SYNPO2: variants seen among roughly 807,000 people sequenced by gnomAD.
SYNPO2 encodes the protein synaptopodin-2.
SYNPO2 carries 56 observed loss-of-function variants against 85.0 expected under a neutral mutation model. That is an observed-to-expected ratio of 0.66 (90% CI 0.53 to 0.82). The LOEUF (loss-of-function observed/expected upper bound fraction) is 0.82, where lower values mean the gene tolerates loss of function less well. Among genes scored for constraint, SYNPO2 ranks in the 40% least tolerant of loss-of-function variants. The probability of loss-of-function intolerance (pLI) is 0.00; values close to 1 mark genes in which losing one functional copy is unlikely to be tolerated. For synonymous variants in SYNPO2, 602 were observed against 591.1 expected (o/e 1.02, Z -0.27); for missense variants, 1,575 against 1,534.2 (o/e 1.03, Z -0.44).
chr4:118,984,098 T>C (rs1328732170), intron 1 of SYNPO2, among the ~76,000 whole-genome samples: 1 of 152,206 alleles, frequency 6.6e-6, no homozygotes, highest in African/African-American at 2.4e-5. Flanking sequence ...TCTGAAAAGA[T>C]CACCAAACTG....
chr4:118,877,084 G>A (rs956116950), intron 1 of SYNPO2, among the ~76,000 whole-genome samples: 25 of 152,018 alleles, frequency 1.6e-4, no homozygotes, highest in Admixed American at 1.6e-3. Flanking sequence ...GGGATTGCAG[G>A]GAGCCACTGC....
chr4:118,888,825 C>A, upstream of SYNPO2: 1 of 588,196 alleles, frequency 1.7e-6, no homozygotes, highest in South Asian at 2.0e-5. Flanking sequence ...GCGAGCGCCT[C>A]TGCCTCCTTG....
intron 1 of SYNPO2, among the ~76,000 whole-genome samples, chr4:118,990,434 A>G (rs1266481474): frequency 6.6e-6 from 1 of 152,224 alleles, no homozygotes; most frequent in Non-Finnish European, 1.5e-5. Flanking sequence ...GCAGATGTTT[A>G]CAGAGCACTA....
chr4:118,908,818 A>G (rs192970263), intron 1 of SYNPO2, among the ~76,000 whole-genome samples: 1 of 152,300 alleles, frequency 6.6e-6, no homozygotes, highest in Admixed American at 6.5e-5. Flanking sequence ...TCTTGTAATT[A>G]ATTTTTTGTT....
At chr4:118,964,298 A>C (rs201065724) in intron 1 of SYNPO2, among the ~76,000 whole-genome samples, 8 of 4,306 alleles carry the variant, frequency 1.9e-3, no homozygotes, top group East Asian at 4.9e-3. Flanking sequence ...AACACACACA[A>C]CACACACACA....
chr4:119,046,593 T>C (rs1245195791), intron 4 of SYNPO2, among the ~76,000 whole-genome samples: 1 of 152,194 alleles, frequency 6.6e-6, no homozygotes, highest in African/African-American at 2.4e-5. Context: ...GGCCACACAG[T>C]CTCTTCCCAC....
intron 1 of SYNPO2, among the ~76,000 whole-genome samples, chr4:118,980,763 C>T (rs1233556066): frequency 6.6e-6 from 1 of 152,084 alleles, no homozygotes; most frequent in Non-Finnish European, 1.5e-5. Flanking sequence ...TAAAAGTGAA[C>T]CTGGTTTAGT....
At chr4:119,022,724 A>AATTGTATTTTATTTTATTTTAT (rs368633918) in intron 1 of SYNPO2, among the ~76,000 whole-genome samples, 46 of 142,306 alleles carry the variant, frequency 3.2e-4, no homozygotes, top group Admixed American at 1.5e-3. Flanking sequence ...ATTTTATTTT[A>AATTGTATTTTATTTTATTTTAT]ATTTTATTTT....
intron 4 of SYNPO2, among the ~76,000 whole-genome samples, chr4:119,054,514 G>A (rs1739149751): frequency 6.6e-6 from 1 of 152,102 alleles, no homozygotes; most frequent in African/African-American, 2.4e-5. Flanking sequence ...CGAAGAGGAT[G>A]GGCAGGTTGT....
intron 1 of SYNPO2, among the ~76,000 whole-genome samples, chr4:118,870,685 C>T (rs1731784579): frequency 1.3e-5 from 2 of 152,184 alleles, no homozygotes; most frequent in Non-Finnish European, 2.9e-5. Flanking sequence ...TTCTCCACAG[C>T]CTTACCAGCA....
intron 1 of SYNPO2, among the ~76,000 whole-genome samples, chr4:118,975,819 G>A (rs147959019): frequency 1.3e-5 from 2 of 152,242 alleles, no homozygotes; most frequent in Non-Finnish European, 2.9e-5. Flanking sequence ...GCCTGAGAGG[G>A]AATCTACCAT....
At chr4:118,879,653 CTG>C (rs1372185331) in intron 1 of SYNPO2, among the ~76,000 whole-genome samples, 3 of 152,202 alleles carry the variant, frequency 2.0e-5, no homozygotes, top group Non-Finnish European at 4.4e-5. Context: ...GCGTATGATA[CTG>C]TGTTATGGCA....
Position 119,031,228 on chromosome 4 carries a change from C to A in SYNPO2, c.2453C>A (p.Pro818His), listed in dbSNP as rs1183317487. The change falls in exon 4 of 5, where the codon CCT (proline) becomes CAT (histidine). Residue 818 changes from proline to histidine, a missense_variant. Coordinates refer to ENST00000307142, the MANE Select transcript of SYNPO2 (RefSeq NM_133477.3). ...CAGCCTTCTTACCCTCCTGCCCGGC[C>A]TGCAAGTACTTTGAACGTGGCTGGT... ...IAQPSYPPAR[P>H]ASTLNVAGPF... 1 of 1,614,184 alleles carries A rather than the reference C, an allele frequency of 6.2e-7. No homozygotes were observed. The highest frequency in any genetic ancestry group is 2.2e-5 in the East Asian group (1 of 44,878).
At chr4:118,961,638 A>G (rs976818632) in intron 1 of SYNPO2, among the ~76,000 whole-genome samples, 7 of 152,006 alleles carry the variant, frequency 4.6e-5, no homozygotes, top group Non-Finnish European at 2.9e-5. Flanking sequence ...TTTTGTGTTT[A>G]TTGTTAGCAT....
chr4:119,009,673 C>G (rs1054423527), intron 1 of SYNPO2, among the ~76,000 whole-genome samples: 1 of 152,172 alleles, frequency 6.6e-6, no homozygotes, highest in Non-Finnish European at 1.5e-5. Context: ...CAGGTTCCCG[C>G]TTCTAAGAAC....
At chr4:118,891,420 A>G (rs781055932) in intron 1 of SYNPO2, among the ~76,000 whole-genome samples, 4 of 152,334 alleles carry the variant, frequency 2.6e-5, no homozygotes, top group Middle Eastern at 6.8e-3. Context: ...AGAGCTATCT[A>G]TAGAAGATGT....
upstream of SYNPO2, among the ~76,000 whole-genome samples, chr4:118,886,873 T>G (rs1732207516): frequency 6.6e-6 from 1 of 152,132 alleles, no homozygotes. Context: ...CTCACTCCAG[T>G]GATGAGTCAC....
At chr4:119,023,332 G>A in intron 1 of SYNPO2, 98 bp from the exon 2 acceptor site, 2 of 1,293,324 alleles carry the variant, frequency 1.5e-6, no homozygotes, top group South Asian at 1.6e-5. Context: ...AAAATTCAGG[G>A]CTGGTGTTAC....
intron 1 of SYNPO2, among the ~76,000 whole-genome samples, chr4:118,878,348 C>T (rs546128868): frequency 6.1e-4 from 93 of 151,998 alleles, no homozygotes; most frequent in African/African-American, 2.2e-3. Flanking sequence ...ACCCCTGAAC[C>T]TAAAATAAAA....
Sources: allele counts gnomAD v4.1 joint callset (sites outside exome capture counted in the v4.1 genomes callset), GRCh38; gene constraint gnomAD v4.1.1; transcripts MANE v1.5; gene names NCBI Gene and HGNC (gene_info 2026-07-23, HGNC 2026-07-21).